Variants in KIAA0586 observed in about 807,000 individuals in gnomAD.
The protein encoded by KIAA0586 is KIAA0586, also known as protein TALPID3.
Under a neutral mutation model 169.8 loss-of-function variants are expected in KIAA0586, and 144 were observed. The observed-to-expected ratio is 0.85, with a 90% CI of 0.74 to 0.97. The LOEUF is 0.97. KIAA0586 is among the 50% of genes least tolerant of loss of function. KIAA0586 has a pLI of 0.00. For synonymous variants in KIAA0586, 625 were observed against 612.4 expected (o/e 1.02, Z -0.30); for missense variants, 1,854 against 1,823.0 (o/e 1.02, Z -0.31).
intron 29 of KIAA0586, chr14:58,537,175 C>T: frequency 9.5e-7 from 1 of 1,053,834 alleles, no homozygotes; most frequent in Non-Finnish European, 1.2e-6. Flanking sequence ...AATTATGAAG[C>T]CACTTACTTG....
chr14:58,518,562 A>C (rs149909920), intron 29 of KIAA0586, among the ~76,000 whole-genome samples: 1 of 152,242 alleles, frequency 6.6e-6, no homozygotes, highest in Non-Finnish European at 1.5e-5. Context: ...GGCACATCCA[A>C]TATAATGTGT....
intron 12 of KIAA0586, 96 bp downstream of exon 12, chr14:58,458,641 T>C: frequency 1.6e-6 from 1 of 636,638 alleles, no homozygotes; most frequent in Non-Finnish European, 2.6e-6. Flanking sequence ...AAATATTTCT[T>C]ATATAAAAAT....
chr14:58,429,675 A>G (rs949844785), intron 2 of KIAA0586, among the ~76,000 whole-genome samples: 15 of 151,632 alleles, frequency 9.9e-5, no homozygotes, highest in Non-Finnish European at 1.9e-4. Flanking sequence ...GAGATAGGAT[A>G]ACTGAAAAGA....
chr14:58,442,861 C>G lies in KIAA0586; in HGVS notation c.566C>G (p.Thr189Ser), dbSNP rs758448035. 6 of 1,607,346 alleles carry G rather than the reference C, an allele frequency of 3.7e-6. No individual in the cohort carries two copies. The highest frequency in any genetic ancestry group is 5.1e-6 in the Non-Finnish European group (6 of 1,177,262). The change falls in exon 5 of 31, where the codon ACC (threonine) becomes AGC (serine). Residue 189 changes from threonine (T) to serine (S), a missense_variant. Coordinates refer to ENST00000652326, the MANE Select transcript of KIAA0586 (RefSeq NM_001329943.3). ...VAAATAAAIA[T>S]AAPLIKVQSD... Reference sequence around the variant, plus strand: ...GCAGCAACTGCTGCTGCCATTGCAACCGCAGCTCCGTTGATAAAGGTATAT... The same window carrying G: ...GCAGCAACTGCTGCTGCCATTGCAAGCGCAGCTCCGTTGATAAAGGTATAT...
chr14:58,492,761 T>C (rs1056242351), intron 26 of KIAA0586, among the ~76,000 whole-genome samples: 8 of 152,244 alleles, frequency 5.3e-5, no homozygotes, highest in African/African-American at 1.9e-4. Context: ...ATTACATTGA[T>C]GTCAGTCTTT....
At position 58,487,154 on chromosome 14, in the gene KIAA0586, T is replaced by C. The variant is rs374459469; in HGVS notation, c.3292T>C (p.Cys1098Arg). Residue 1098 changes from cysteine (C) to arginine (R), a missense_variant, in exon 22 of 31, where the codon TGT becomes CGT. By Grantham distance (180) the Cys-to-Arg change is radical (BLOSUM62 -3). Transcript: ENST00000652326. ...HDMAFPVKEI[C>R]AEKGDDMPAI... ...TATGGCTTTTCCTGTGAAAGAAATA[T>C]GTGCTGAAAAAGGTAGAAACTTTAT... is the stretch of plus-strand genomic sequence containing the variant. 5.0e-6 allele frequency: 8 copies of C among 1,607,818 alleles called. No homozygotes were observed. The African/African-American group carries it at 9.4e-5, about 19-fold the overall frequency.
At chr14:58,427,608 A>C (rs759487709), upstream of KIAA0586, 12 of 1,535,452 alleles carry the variant, frequency 7.8e-6, no homozygotes, top group Non-Finnish European at 1.0e-5. Flanking sequence ...AGCACCAGAG[A>C]GCGCTTAGCT....
At chr14:58,463,723 T>G (rs761738380) in intron 14 of KIAA0586, among the ~76,000 whole-genome samples, 1 of 151,462 alleles carries the variant, frequency 6.6e-6, no homozygotes, top group Non-Finnish European at 1.5e-5. Context: ...GAGGCTGAGG[T>G]GGGAGGATCA....
chr14:58,497,760 TAACA>T (rs1365885769), intron 26 of KIAA0586, among the ~76,000 whole-genome samples: 1 of 152,160 alleles, frequency 6.6e-6, no homozygotes, highest in Non-Finnish European at 1.5e-5. Context: ...AAGTTTACAC[TAACA>T]AACTTTAGGC....
chr14:58,533,635 A>G (rs1166574721), intron 29 of KIAA0586, among the ~76,000 whole-genome samples: 1 of 152,120 alleles, frequency 6.6e-6, no homozygotes, highest in Non-Finnish European at 1.5e-5. Flanking sequence ...TGCCTTCTCT[A>G]TATCCTGACA....
Position 58,477,128 on chromosome 14 carries a change from A to T in KIAA0586, c.2831A>T (p.Glu944Val), listed in dbSNP as rs181400417. Residue 944 changes from glutamate to valine, a missense_variant, in exon 20 of 31, where the codon GAG becomes GTG. Glu to Val is a moderately radical substitution (Grantham distance 121). Transcript: ENST00000652326. ...TLENSLIQWV[E>V]QEIMSRIISG... ...CTGCCCCACCATCCTCTCAGGGTAG[A>T]GCAAGAAATAATGTCAAGAATTATC... The T allele has an allele frequency of 1.4e-5, 22 of 1,533,708 alleles. No individual in the cohort carries two copies. The Admixed American group carries it at 2.4e-4, about 17-fold the overall frequency.
chr14:58,431,887 TA>T (rs2037403403), intron 3 of KIAA0586, among the ~76,000 whole-genome samples: 1 of 152,198 alleles, frequency 6.6e-6, no homozygotes, highest in South Asian at 2.1e-4. Flanking sequence ...GTTATTAGTG[TA>T]TAGAAACGCT....
intron 24 of KIAA0586, among the ~76,000 whole-genome samples, chr14:58,489,516 A>G (rs2042699780): frequency 6.6e-6 from 1 of 151,972 alleles, no homozygotes; most frequent in African/African-American, 2.4e-5. Context: ...CACCTCACCC[A>G]GCCTGAAACC....
chr14:58,521,499 C>A, intron 29 of KIAA0586: 1 of 761,604 alleles, frequency 1.3e-6, no homozygotes, highest in East Asian at 2.9e-5. Flanking sequence ...TGTACAGTTA[C>A]CCAGCACATG....
the KIAA0586 span, among the ~76,000 whole-genome samples, chr14:58,558,890 A>T: frequency 6.6e-6 from 1 of 152,258 alleles, no homozygotes; most frequent in Non-Finnish European, 1.5e-5. Flanking sequence ...TTGGCCCCTG[A>T]TATCTCTTCA....
At position 58,487,080 on chromosome 14, in the gene KIAA0586, G is replaced by A; in HGVS notation, c.3218G>A (p.Cys1073Tyr). ...PCSPSSPAKE[C>Y]VLVKTPDSSP... ...TCACCTTCATCACCTGCTAAGGAGT[G>A]TGTTTTGGTAAAGACTCCAGATTCT... The change falls in exon 22 of 31, where the codon TGT becomes TAT. Residue 1073 changes from cysteine to tyrosine, a missense_variant. Physicochemically the swap from Cys to Tyr is radical, Grantham distance 194. Transcript: ENST00000652326. 1 of 1,613,428 alleles carries A rather than the reference G, an allele frequency of 6.2e-7. No individual in the cohort carries two copies. The highest frequency in any genetic ancestry group is 8.5e-7 in the Non-Finnish European group (1 of 1,179,400).
chr14:58,489,838 G>T (rs1476321533), intron 24 of KIAA0586, among the ~76,000 whole-genome samples: 2 of 151,864 alleles, frequency 1.3e-5, no homozygotes, highest in East Asian at 3.9e-4. Context: ...CTAAGTTCTA[G>T]AAAGGATTTT....
intron 6 of KIAA0586, among the ~76,000 whole-genome samples, chr14:58,448,083 A>G (rs1161884776): frequency 1.3e-5 from 2 of 152,180 alleles, no homozygotes; most frequent in South Asian, 4.1e-4. Flanking sequence ...AAAGGACAGC[A>G]CTGAGGTTTA....
At chr14:58,452,124 G>T (rs1157648191) in intron 8 of KIAA0586, among the ~76,000 whole-genome samples, 1 of 152,170 alleles carries the variant, frequency 6.6e-6, no homozygotes, top group Admixed American at 6.5e-5. Context: ...TTGGGGACTT[G>T]TGGGGAAAGG....
Sources: gnomAD v4.1 joint callset for allele counts (sites outside exome capture counted in the v4.1 genomes callset) on GRCh38, gnomAD v4.1.1 for gene constraint, MANE v1.5 for transcripts, NCBI Gene and HGNC (gene_info 2026-07-23, HGNC 2026-07-21) for gene names.